Variants in FSD1L observed in about 807,000 individuals in gnomAD.
FSD1L encodes FSD1-like protein.
In FSD1L, 45 loss-of-function variants were observed where a neutral mutation model predicts 71.6. The ratio of observed to expected loss-of-function variants is 0.63; its 90% CI spans 0.49 to 0.81. The LOEUF (loss-of-function observed/expected upper bound fraction) is 0.81, where lower values mean the gene tolerates loss of function less well. FSD1L is among the 30% of genes least tolerant of loss of function. The pLI, the probability that FSD1L is intolerant of heterozygous loss-of-function variation, is 0.00. For synonymous variants in FSD1L, 197 were observed against 207.2 expected, an observed-to-expected ratio of 0.95 and a Z score of 0.42; for missense variants, 561 against 618.1, an observed-to-expected ratio of 0.91 and a Z score of 0.98.
intron 5 of FSD1L, among the ~76,000 whole-genome samples, chr9:105,478,696 A>G (rs1306589902): frequency 6.6e-6 from 1 of 152,186 alleles, no homozygotes; most frequent in Non-Finnish European, 1.5e-5. Flanking sequence ...GATACCTTAT[A>G]TATAGGTTTA....
At chr9:105,538,013 A>G (rs1836374509) in intron 12 of FSD1L, among the ~76,000 whole-genome samples, 1 of 152,238 alleles carries the variant, frequency 6.6e-6, no homozygotes, top group Admixed American at 6.5e-5. Context: ...TGTGATCAAG[A>G]GGATGACAGT....
chr9:105,490,441 C>T (rs1266879463), intron 7 of FSD1L, among the ~76,000 whole-genome samples: 3 of 152,104 alleles, frequency 2.0e-5, no homozygotes, highest in Non-Finnish European at 4.4e-5. Context: ...AATATTTTCT[C>T]CCATTTTGTA....
At chr9:105,506,648 T>G (rs1234843940) in intron 8 of FSD1L, 40 bp downstream of exon 8, 2 of 1,326,170 alleles carry the variant, frequency 1.5e-6, no homozygotes, top group East Asian at 5.0e-5. Context: ...TCTCAGAAGA[T>G]AAATGTATTG....
At chr9:105,534,891 A>G (rs1310877431) in intron 11 of FSD1L, among the ~76,000 whole-genome samples, 176 bp from the exon 12 acceptor site, 1 of 152,208 alleles carries the variant, frequency 6.6e-6, no homozygotes. Flanking sequence ...ACTAAACGTA[A>G]AGGTAAAGTT....
At chr9:105,535,456 T>C (rs2131495549) in intron 12 of FSD1L, 138 bp downstream of exon 12, 1 of 868,740 alleles carries the variant, frequency 1.2e-6, no homozygotes, top group East Asian at 2.6e-5. Context: ...ATTGCAATCA[T>C]AATCTCAATT....
intron 1 of FSD1L, among the ~76,000 whole-genome samples, chr9:105,456,213 T>C (rs974850402): frequency 1.3e-5 from 2 of 152,182 alleles, no homozygotes; most frequent in African/African-American, 4.8e-5. Context: ...GTGTAGTCCT[T>C]TAAGAGCATA....
At position 105,459,965 on chromosome 9, in the gene FSD1L, G is replaced by A. The variant is rs1043382150; in HGVS notation, c.16-1555G>A. Among the ~76,000 whole-genome samples the A allele has an allele frequency of 3.3e-5, 5 of 152,278 alleles. No individual in the cohort carries two copies. In the South Asian group the frequency reaches 1.0e-3, roughly 32 times the overall value. On this transcript the variant is annotated intron_variant, in intron 1 of 13. Transcript: ENST00000481272. Reference sequence around the variant, plus strand: ...GAATGTGGACCCTTTATCTAGGTGTGTATTACAGACTCTCATGCTGTACTG... The same window carrying A: ...GAATGTGGACCCTTTATCTAGGTGTATATTACAGACTCTCATGCTGTACTG...
intron 7 of FSD1L, among the ~76,000 whole-genome samples, chr9:105,486,593 A>G (rs1029458569): frequency 6.6e-6 from 1 of 152,136 alleles, no homozygotes; most frequent in South Asian, 2.1e-4. Flanking sequence ...ATATGTCTCT[A>G]CTTACCACCA....
chr9:105,484,275 C>T, intron 6 of FSD1L, 106 bp from the exon 7 acceptor site: 1 of 753,690 alleles, frequency 1.3e-6, no homozygotes, highest in Non-Finnish European at 1.9e-6. Flanking sequence ...TTATTATAGT[C>T]TCTGAAATTA....
rs189678732 is a variant in FSD1L at position 105,458,380 on chromosome 9, C to T, written c.16-3140C>T. Among the ~76,000 whole-genome samples the T allele has an allele frequency of 6.9e-4, 105 of 152,242 alleles. 1 individual carries two copies. The highest frequency in any genetic ancestry group is 6.0e-4 in the Non-Finnish European group (41 of 68,022). On this transcript the variant is annotated intron_variant, in intron 1 of 13. Coordinates refer to ENST00000481272, the MANE Select transcript of FSD1L (RefSeq NM_001145313.3). ...CAGGAAAGTGTTACAGCCCTTTCTG[C>T]GCCTGCCTTTTGGCGGTTCCTGAGT...
chr9:105,502,061 A>T (rs550991137), intron 7 of FSD1L, among the ~76,000 whole-genome samples: 1 of 152,124 alleles, frequency 6.6e-6, no homozygotes, highest in Admixed American at 6.5e-5. Context: ...TTTATATACT[A>T]ACATATATGG....
At chr9:105,483,200 C>T (rs1832323970) in intron 6 of FSD1L, among the ~76,000 whole-genome samples, 1 of 152,154 alleles carries the variant, frequency 6.6e-6, no homozygotes, top group Non-Finnish European at 1.5e-5. Context: ...TCTTGATAAA[C>T]ACATCAACTG....
At chr9:105,530,723 A>C (rs537880182) in intron 10 of FSD1L, 22 of 496,182 alleles carry the variant, frequency 4.4e-5, no homozygotes, top group Admixed American at 4.3e-4. Context: ...ATTTTGAAAA[A>C]GTTTCCTGAT....
chr9:105,541,478 A>G (rs1836612394), intron 13 of FSD1L, among the ~76,000 whole-genome samples: 1 of 152,054 alleles, frequency 6.6e-6, no homozygotes, highest in Non-Finnish European at 1.5e-5. Context: ...GTATGTATGT[A>G]CTGAGTTTAT....
chr9:105,457,466 G>C (rs1361569148), intron 1 of FSD1L, among the ~76,000 whole-genome samples: 1 of 152,174 alleles, frequency 6.6e-6, no homozygotes, highest in Non-Finnish European at 1.5e-5. Flanking sequence ...TGATTACTGG[G>C]GAGAAAGATT....
chr9:105,494,808 A>G (rs1376155773), intron 7 of FSD1L, among the ~76,000 whole-genome samples: 5 of 152,108 alleles, frequency 3.3e-5, no homozygotes, highest in African/African-American at 9.7e-5. Flanking sequence ...GTGGCTGCAG[A>G]ACAGTGGATT....
intron 1 of FSD1L, among the ~76,000 whole-genome samples, chr9:105,452,003 A>C (rs1295759454): frequency 6.6e-6 from 1 of 152,156 alleles, no homozygotes; most frequent in Non-Finnish European, 1.5e-5. Context: ...GCTTTTCCCC[A>C]TTATTTTTCC....
intron 10 of FSD1L, chr9:105,521,158 G>A (rs983840039): frequency 1.2e-5 from 20 of 1,613,774 alleles, no homozygotes; most frequent in Admixed American, 5.0e-5. Flanking sequence ...ATTAAGGCTC[G>A]TGTTATTGTC....
chr9:105,507,297 G>C (rs549755818), intron 8 of FSD1L, among the ~76,000 whole-genome samples: 80 of 152,296 alleles, frequency 5.3e-4, no homozygotes, highest in African/African-American at 1.9e-3. Context: ...GAATGTCTCA[G>C]TATATAGTGG....
Sources: gnomAD v4.1 joint callset for allele counts (sites outside exome capture counted in the v4.1 genomes callset) on GRCh38, gnomAD v4.1.1 for gene constraint, MANE v1.5 for transcripts, NCBI Gene and HGNC (gene_info 2026-07-23, HGNC 2026-07-21) for gene names.